Variants in RANBP17 observed in about 807,000 individuals in gnomAD.
The protein encoded by RANBP17 is RAN binding protein 17.
In RANBP17, 158 loss-of-function variants were observed where a neutral mutation model predicts 141.2. That is an observed-to-expected ratio of 1.12 (90% CI 0.98 to 1.28). RANBP17 has a LOEUF of 1.28. RANBP17 is among the 50% of genes most tolerant of loss of function. The probability of loss-of-function intolerance (pLI) is 0.00; values close to 1 mark genes in which losing one functional copy is unlikely to be tolerated. For synonymous variants in RANBP17, 430 were observed against 450.0 expected, an observed-to-expected ratio of 0.96 and a Z score of 0.56; for missense variants, 1,438 against 1,290.7, an observed-to-expected ratio of 1.11 and a Z score of -1.75.
At chr5:171,249,015 G>A (rs964257627) in intron 24 of RANBP17, among the ~76,000 whole-genome samples, 1 of 152,118 alleles carries the variant, frequency 6.6e-6, no homozygotes, top group African/African-American at 2.4e-5. Context: ...ACTACCCTGG[G>A]GCACAAAGAC....
At chr5:170,892,099 G>T (rs1433886727) in intron 3 of RANBP17, among the ~76,000 whole-genome samples, 2 of 147,416 alleles carry the variant, frequency 1.4e-5, no homozygotes, top group Non-Finnish European at 3.0e-5. Context: ...AACAAATACT[G>T]CAACTTTTTT....
At chr5:171,227,471 T>C (rs1763946727) in intron 22 of RANBP17, among the ~76,000 whole-genome samples, 1 of 152,230 alleles carries the variant, frequency 6.6e-6, no homozygotes, top group Non-Finnish European at 1.5e-5. Flanking sequence ...AGTTGGAAGC[T>C]AGCAGAGGTT....
intron 14 of RANBP17, among the ~76,000 whole-genome samples, chr5:171,166,511 T>C (rs1357111464): frequency 6.6e-6 from 1 of 151,980 alleles, no homozygotes; most frequent in African/African-American, 2.4e-5. Context: ...TTCTTCTTGG[T>C]GTCATAAAAA....
At chr5:171,115,324 G>A (rs914588636) in intron 14 of RANBP17, among the ~76,000 whole-genome samples, 1 of 152,032 alleles carries the variant, frequency 6.6e-6, no homozygotes, top group African/African-American at 2.4e-5. Context: ...AAATTATTGA[G>A]ATCTAATACA....
In RANBP17 at chr5:171,252,987, A is replaced by AG; in HGVS notation, c.2776+10172dup. 3 of 1,332,746 alleles carry AG rather than the reference A, an allele frequency of 2.3e-6. No homozygotes were observed. In the South Asian group the frequency reaches 3.5e-5, roughly 16 times the overall value. 82.6% of individuals were successfully genotyped at this position (1,332,746 alleles called of 1,614,324 possible). A position where few individuals can be genotyped will look rare whatever the true frequency, so the allele number is the denominator to read the frequency against. ...TCCTTTTCTATCAGTCTCGGGATTG[A>AG]GGGGGAACCGTGATGAAGAGATACT... On this transcript the variant is annotated intron_variant, in intron 24 of 27. Coordinates refer to ENST00000523189, the MANE Select transcript of RANBP17 (RefSeq NM_022897.5).
At chr5:171,263,398 T>C (rs1335912085) in intron 24 of RANBP17, among the ~76,000 whole-genome samples, 1 of 152,250 alleles carries the variant, frequency 6.6e-6, no homozygotes, top group Non-Finnish European at 1.5e-5. Flanking sequence ...CATGGACTTC[T>C]GATAAGCAAC....
chr5:170,916,658 C>A, intron 9 of RANBP17, 74 bp downstream of exon 9: 6 of 865,190 alleles, frequency 6.9e-6, no homozygotes, highest in Non-Finnish European at 8.3e-6. Flanking sequence ...ATAAACTCAT[C>A]ATGAATTTAT....
At chr5:171,123,722 T>C (rs937672051) in intron 14 of RANBP17, among the ~76,000 whole-genome samples, 1 of 152,126 alleles carries the variant, frequency 6.6e-6, no homozygotes, top group African/African-American at 2.4e-5. Flanking sequence ...CACCACAGCC[T>C]CCGCTAACAA....
intron 14 of RANBP17, among the ~76,000 whole-genome samples, chr5:171,056,542 A>G (rs1321037232): frequency 6.6e-6 from 1 of 152,170 alleles, no homozygotes; most frequent in Non-Finnish European, 1.5e-5. Context: ...ACAGATACCA[A>G]TAACACCAAT....
chr5:171,125,988 A>T (rs778278796), intron 14 of RANBP17, among the ~76,000 whole-genome samples: 1 of 151,978 alleles, frequency 6.6e-6, no homozygotes, highest in African/African-American at 2.4e-5. Flanking sequence ...GAGTTTCACC[A>T]TGTTGGCCAG....
chr5:170,868,380 C>G (rs796319427), intron 1 of RANBP17, among the ~76,000 whole-genome samples: 1 of 152,150 alleles, frequency 6.6e-6, no homozygotes, highest in South Asian at 2.1e-4. Context: ...TCCCAAGTAG[C>G]TGGGACTACA....
intron 7 of RANBP17, among the ~76,000 whole-genome samples, chr5:170,912,331 T>C (rs922405693): frequency 6.6e-6 from 1 of 151,978 alleles, no homozygotes; most frequent in East Asian, 1.9e-4. Context: ...TGAGATATTA[T>C]ACTGTAGTTT....
At chr5:170,901,769 T>C (rs750919887) in intron 5 of RANBP17, among the ~76,000 whole-genome samples, 1 of 152,344 alleles carries the variant, frequency 6.6e-6, no homozygotes, top group African/African-American at 2.4e-5. Context: ...TTATTTCTCC[T>C]TCACTTACAA....
At chr5:170,897,001 C>A in intron 5 of RANBP17, 1 of 1,108,804 alleles carries the variant, frequency 9.0e-7, no homozygotes, top group Non-Finnish European at 1.3e-6. Context: ...GGACCTGGCA[C>A]TAAGGGAGCA....
At chr5:171,195,598 C>T (rs569064204) in intron 18 of RANBP17, among the ~76,000 whole-genome samples, 9 of 152,332 alleles carry the variant, frequency 5.9e-5, no homozygotes, top group African/African-American at 2.2e-4. Flanking sequence ...GCTGGCTGAT[C>T]TTCACTCTCT....
At chr5:171,187,897 C>G (rs1334055342) in intron 18 of RANBP17, among the ~76,000 whole-genome samples, 1 of 152,088 alleles carries the variant, frequency 6.6e-6, no homozygotes, top group Admixed American at 6.5e-5. Flanking sequence ...TTCTTTGTTT[C>G]TCTTGAAGTC....
rs541650612 is a variant in RANBP17 at position 171,240,101 on chromosome 5, G to A, written c.2423-827G>A. ...ATTGAATTTAGTTTCAATTTTAGAA[G>A]CAATACTCATTTGACCAGGAAAAAG... is the stretch of plus-strand genomic sequence containing the variant. On this transcript the variant is annotated intron_variant, in intron 22 of 27. Transcript: ENST00000523189. Among the ~76,000 whole-genome samples the A allele has an allele frequency of 1.8e-4, 27 of 151,496 alleles. 2 individuals are homozygous for A. In the South Asian group the frequency reaches 5.6e-3, roughly 31 times the overall value.
At chr5:170,966,112 G>A (rs1393192483) in intron 13 of RANBP17, among the ~76,000 whole-genome samples, 1 of 151,838 alleles carries the variant, frequency 6.6e-6, no homozygotes, top group African/African-American at 2.4e-5. Context: ...TCTACCAGAG[G>A]TACAAGGAGG....
chr5:171,174,875 C>T (rs572978785), intron 16 of RANBP17, among the ~76,000 whole-genome samples: 27 of 151,422 alleles, frequency 1.8e-4, no homozygotes, highest in Non-Finnish European at 2.7e-4. Context: ...TAGGTACACG[C>T]GTGCCATGGT....
Sources: gnomAD v4.1 joint callset for allele counts (sites outside exome capture counted in the v4.1 genomes callset) on GRCh38, gnomAD v4.1.1 for gene constraint, MANE v1.5 for transcripts, NCBI Gene and HGNC (gene_info 2026-07-23, HGNC 2026-07-21) for gene names.